RUSC2: variants seen among roughly 807,000 people sequenced by gnomAD.
RUSC2 encodes the protein RUN and SH3 domain containing 2.
RUSC2 carries 34 observed loss-of-function variants against 122.2 expected under a neutral mutation model. The ratio of observed to expected loss-of-function variants is 0.28; its 90% confidence interval spans 0.21 to 0.37. The LOEUF (loss-of-function observed/expected upper bound fraction) is 0.37, where lower values mean the gene tolerates loss of function less well. Ranked by LOEUF, RUSC2 falls within the 10% of genes least tolerant of loss-of-function variation. The probability of loss-of-function intolerance (pLI) is 1.00; values close to 1 mark genes in which losing one functional copy is unlikely to be tolerated. For synonymous variants in RUSC2, 784 were observed against 790.0 expected, an observed-to-expected ratio of 0.99 and a Z score of 0.13; for missense variants, 1,747 against 1,952.4, an observed-to-expected ratio of 0.89 and a Z score of 1.98.
intron 1 of RUSC2, among the ~76,000 whole-genome samples, chr9:35,511,010 A>G (rs1010349560): frequency 6.6e-6 from 1 of 152,194 alleles, no homozygotes; most frequent in Non-Finnish European, 1.5e-5. Context: ...GCTCCAGTAT[A>G]GGTTGGCCAA....
intron 1 of RUSC2, among the ~76,000 whole-genome samples, chr9:35,499,986 C>T (rs1246960862): frequency 6.6e-6 from 1 of 152,160 alleles, no homozygotes; most frequent in Non-Finnish European, 1.5e-5. Flanking sequence ...AAGATACAGT[C>T]AAACTTTGTT....
At chr9:35,514,774 T>A (rs1288964411) in intron 1 of RUSC2, among the ~76,000 whole-genome samples, 2 of 152,066 alleles carry the variant, frequency 1.3e-5, no homozygotes, top group Non-Finnish European at 2.9e-5. Flanking sequence ...CCCTTTCCAG[T>A]TTTTTGCTCG....
At chr9:35,539,320 C>A (rs1821595865) in intron 1 of RUSC2, among the ~76,000 whole-genome samples, 1 of 152,052 alleles carries the variant, frequency 6.6e-6, no homozygotes, top group African/African-American at 2.4e-5. Context: ...TGGGGAAAAG[C>A]CAAGGCTTGG....
intron 1 of RUSC2, among the ~76,000 whole-genome samples, chr9:35,537,838 TC>T (rs1394453518): frequency 2.6e-5 from 4 of 152,156 alleles, no homozygotes; most frequent in Non-Finnish European, 4.4e-5. Context: ...CTTAAGACTA[TC>T]TCTGTGTTCA....
chr9:35,497,835 C>T (rs947677858), intron 1 of RUSC2, among the ~76,000 whole-genome samples: 7 of 152,156 alleles, frequency 4.6e-5, no homozygotes, highest in Non-Finnish European at 8.8e-5. Flanking sequence ...CTTCTCTGTC[C>T]CTGTGGAACA....
At chr9:35,524,484 T>C (rs1821282918) in intron 1 of RUSC2, among the ~76,000 whole-genome samples, 1 of 152,186 alleles carries the variant, frequency 6.6e-6, no homozygotes, top group African/African-American at 2.4e-5. Context: ...AATGATAACT[T>C]TACAATGGAG....
chr9:35,552,910 C>G (rs1364598347), intron 2 of RUSC2, among the ~76,000 whole-genome samples: 1 of 152,238 alleles, frequency 6.6e-6, no homozygotes, highest in Admixed American at 6.5e-5. Context: ...CTGCCTCAGT[C>G]TGTATCCTGG....
intron 1 of RUSC2, among the ~76,000 whole-genome samples, chr9:35,504,558 C>T (rs550214187): frequency 8.0e-4 from 121 of 152,038 alleles, no homozygotes; most frequent in African/African-American, 2.9e-3. Context: ...CTCTGCCTCC[C>T]AGGTTCAAGC....
Position 35,560,282 on chromosome 9 carries a change from G to C in RUSC2, c.3642G>C (p.Gln1214His), listed in dbSNP as rs1006829711. 1.3e-6 allele frequency: 2 copies of C among 1,590,900 alleles called. No individual in the cohort carries two copies. The highest frequency in any genetic ancestry group is 2.2e-5 in the East Asian group (1 of 44,446). Reference sequence around the variant, plus strand: ...TGCAGCTGGCCCGGGCCCGGGGCCAGGAGGGCCCTGGAGACGTGGACAGGG... The same window carrying C: ...TGCAGCTGGCCCGGGCCCGGGGCCACGAGGGCCCTGGAGACGTGGACAGGG... ...STLQLARARG[Q>H]EGPGDVDRAA... Residue 1214 changes from glutamine (Q) to histidine (H), a missense_variant, in exon 10 of 12, where the codon CAG becomes CAC. Physicochemically the swap from Gln to His is conservative, Grantham distance 24 (BLOSUM62 0). Transcript: ENST00000361226.
intron 1 of RUSC2, among the ~76,000 whole-genome samples, chr9:35,527,226 C>G (rs1821341325): frequency 6.6e-6 from 1 of 151,902 alleles, no homozygotes; most frequent in Admixed American, 6.6e-5. Context: ...TAGCCTCAAT[C>G]TCCCAGGCTC....
chr9:35,552,577 G>C (rs141544894), intron 2 of RUSC2, among the ~76,000 whole-genome samples: 15 of 152,228 alleles, frequency 9.9e-5, no homozygotes, highest in African/African-American at 3.1e-4. Context: ...AGTTGGTAGA[G>C]CTTCCAAAAA....
intron 1 of RUSC2, among the ~76,000 whole-genome samples, chr9:35,542,645 A>G (rs1821663343): frequency 1.3e-5 from 2 of 152,218 alleles, no homozygotes; most frequent in Admixed American, 1.3e-4. Flanking sequence ...ATAACCAGGC[A>G]CCTACTGTGT....
intron 1 of RUSC2, among the ~76,000 whole-genome samples, chr9:35,504,443 A>C (rs1224960826): frequency 3.3e-5 from 5 of 151,322 alleles, no homozygotes; most frequent in Non-Finnish European, 5.9e-5. Flanking sequence ...TTTTCTATTA[A>C]GATCTTAGTT....
At chr9:35,500,189 A>T (rs1427201088) in intron 1 of RUSC2, among the ~76,000 whole-genome samples, 2 of 131,482 alleles carry the variant, frequency 1.5e-5, no homozygotes, top group African/African-American at 5.6e-5. Context: ...GACATACCCA[A>T]GACTGGGCAA....
At chr9:35,491,038 C>A (rs1820557463) in intron 1 of RUSC2, among the ~76,000 whole-genome samples, 1 of 151,284 alleles carries the variant, frequency 6.6e-6, no homozygotes, top group Admixed American at 6.6e-5. Context: ...ACAAGTAGAT[C>A]TGAGTCAGGC....
Position 35,553,661 on chromosome 9 carries a change from C to T in RUSC2, c.2015-1399C>T, listed in dbSNP as rs185443032. Among the ~76,000 whole-genome samples, 257 of 152,244 alleles carry T rather than the reference C, an allele frequency of 1.7e-3. 1 individual carries two copies. Among genetic ancestry groups the T allele is most frequent in the South Asian group, 3.3e-3 (16 of 4,816 alleles). ...GAAAGAAAAGCAGGTGCAAAAGGCC[C>T]GGAGATGTTCATGCATCTGGTGTGT... On this transcript the variant is annotated intron_variant, in intron 2 of 11. Coordinates refer to ENST00000361226, the MANE Select transcript of RUSC2 (RefSeq NM_014806.5).
Position 35,560,088 on chromosome 9 carries a change from C to A in RUSC2, c.3448C>A (p.Pro1150Thr). Residue 1150 changes from proline to threonine, a missense_variant, in exon 10 of 12, where the codon CCC becomes ACC. By Grantham distance (38) the Pro-to-Thr change is conservative. Coordinates refer to ENST00000361226, the MANE Select transcript of RUSC2 (RefSeq NM_014806.5). ...GFLSAAHTVC[P>T]GLFEELLLLL... ...CCTGAGTGCAGCTCATACCGTGTGT[C>A]CCGGCCTCTTTGAAGAGCTGCTGCT... The A allele has an allele frequency of 1.2e-6, 2 of 1,613,958 alleles. No individual in the cohort carries two copies.
intron 1 of RUSC2, among the ~76,000 whole-genome samples, chr9:35,495,059 CTATAG>C (rs1820661994): frequency 3.2e-5 from 1 of 30,900 alleles, no homozygotes; most frequent in Non-Finnish European, 5.5e-5. Context: ...ATAATATATA[CTATAG>C]TATATATTAT....
At chr9:35,513,936 ATATT>A (rs1821057382) in intron 1 of RUSC2, among the ~76,000 whole-genome samples, 1 of 135,016 alleles carries the variant, frequency 7.4e-6, no homozygotes, top group African/African-American at 2.7e-5. Flanking sequence ...ATATATATAT[ATATT>A]ACTTTATGTG....
Sources: gnomAD v4.1 joint callset for allele counts (sites outside exome capture counted in the v4.1 genomes callset) on GRCh38, gnomAD v4.1.1 for gene constraint, MANE v1.5 for transcripts, NCBI Gene and HGNC (gene_info 2026-07-23, HGNC 2026-07-21) for gene names.